PARD3B: variants seen among roughly 807,000 people sequenced by gnomAD.
PARD3B encodes partitioning defective 3 homolog B.
A neutral mutation model predicts 130.2 loss-of-function variants in PARD3B; 103 were observed. That is an observed-to-expected ratio of 0.79 (90% CI 0.67 to 0.93). PARD3B has a LOEUF of 0.93. Ranked by LOEUF, PARD3B falls within the 40% of genes least tolerant of loss-of-function variation. PARD3B has a pLI of 0.00. For missense variants in PARD3B, 1,609 were observed against 1,499.2 expected, an observed-to-expected ratio of 1.07 and a Z score of -1.21; for synonymous variants, 583 against 553.2, an observed-to-expected ratio of 1.05 and a Z score of -0.76.
chr2:204,577,679 T>G (rs2032337344), intron 1 of PARD3B, among the ~76,000 whole-genome samples: 1 of 152,174 alleles, frequency 6.6e-6, no homozygotes, highest in Non-Finnish European at 1.5e-5. Flanking sequence ...TCAAAGGATA[T>G]TCTCACTTCA....
intron 10 of PARD3B, among the ~76,000 whole-genome samples, chr2:205,131,793 G>A (rs554377182): frequency 2.6e-5 from 4 of 152,246 alleles, no homozygotes; most frequent in East Asian, 1.9e-4. Flanking sequence ...ACAGATTACC[G>A]AACAGGAGAC....
chr2:205,242,495 T>C (rs2039394203), intron 15 of PARD3B, among the ~76,000 whole-genome samples: 1 of 152,166 alleles, frequency 6.6e-6, no homozygotes, highest in Non-Finnish European at 1.5e-5. Context: ...TCTAGTGTAC[T>C]TTCATTGCCT....
rs557253611 is a variant in PARD3B at position 205,466,712 on chromosome 2, T to C, written c.3044+26040T>C. ...AATATGTGTGGCTTGGTTTTTGTTTTGTTTTGTTTTTGTTTTTGAGACGAA... is the reference window on the plus strand; with the variant it reads ...AATATGTGTGGCTTGGTTTTTGTTTCGTTTTGTTTTTGTTTTTGAGACGAA... On this transcript the variant is annotated intron_variant, in intron 20 of 22. Coordinates refer to ENST00000406610, the MANE Select transcript of PARD3B (RefSeq NM_001302769.2). Among the ~76,000 whole-genome samples the C allele has an allele frequency of 7.9e-5, 12 of 152,350 alleles. No homozygotes were observed. The East Asian group carries it at 1.9e-3, about 24-fold the overall frequency.
intron 5 of PARD3B, among the ~76,000 whole-genome samples, chr2:205,110,990 G>A (rs957797013): frequency 2.6e-5 from 4 of 152,006 alleles, no homozygotes; most frequent in African/African-American, 4.8e-5. Context: ...ACTCCATCAC[G>A]TATTTCTAGT....
intron 22 of PARD3B, among the ~76,000 whole-genome samples, chr2:205,557,511 T>G (rs968602811): frequency 6.6e-6 from 1 of 152,194 alleles, no homozygotes; most frequent in African/African-American, 2.4e-5. Context: ...GGGGATGCAC[T>G]GAGGGCCTGA....
At chr2:205,252,688 C>G (rs1467709870) in intron 16 of PARD3B, among the ~76,000 whole-genome samples, 2 of 151,972 alleles carry the variant, frequency 1.3e-5, no homozygotes, top group African/African-American at 4.8e-5. Flanking sequence ...CCAAGTTAAG[C>G]CAAGTAGGCA....
intron 2 of PARD3B, among the ~76,000 whole-genome samples, chr2:204,833,341 A>G (rs2043900968): frequency 6.6e-6 from 1 of 152,120 alleles, no homozygotes; most frequent in Non-Finnish European, 1.5e-5. Context: ...GTAGCCCCAC[A>G]TTTCTTGACT....
At chr2:205,471,372 T>TTTTTTTTG in intron 20 of PARD3B, among the ~76,000 whole-genome samples, 1 of 148,672 alleles carries the variant, frequency 6.7e-6, no homozygotes. Context: ...TTTTTTTTTT[T>TTTTTTTTG]TTTTCTGAGA....
chr2:205,385,893 T>C (rs2045644549), intron 18 of PARD3B, among the ~76,000 whole-genome samples: 1 of 152,150 alleles, frequency 6.6e-6, no homozygotes. Flanking sequence ...GTAGACCTTA[T>C]TTGGAAGCCA....
At chr2:205,137,104 A>G (rs1339354339) in intron 10 of PARD3B, among the ~76,000 whole-genome samples, 2 of 152,166 alleles carry the variant, frequency 1.3e-5, no homozygotes, top group Non-Finnish European at 2.9e-5. Flanking sequence ...AAGCTAATGA[A>G]AGAAAAATAG....
chr2:205,329,597 A>AT (rs1196447413), intron 18 of PARD3B, among the ~76,000 whole-genome samples: 1 of 152,232 alleles, frequency 6.6e-6, no homozygotes, highest in East Asian at 1.9e-4. Flanking sequence ...AGACATTCAG[A>AT]TGTTAAGAAG....
intron 15 of PARD3B, among the ~76,000 whole-genome samples, chr2:205,232,784 C>T (rs1043780470): frequency 6.6e-6 from 1 of 152,028 alleles, no homozygotes; most frequent in African/African-American, 2.4e-5. Flanking sequence ...AGAGTAACAG[C>T]AAATTAGACA....
intron 2 of PARD3B, among the ~76,000 whole-genome samples, chr2:204,956,807 A>G (rs1402454392): frequency 6.6e-6 from 1 of 152,200 alleles, no homozygotes; most frequent in East Asian, 1.9e-4. Context: ...TGTTATTGAC[A>G]AGGCAGGTAT....
At chr2:204,660,235 T>C (rs2035759579) in intron 1 of PARD3B, among the ~76,000 whole-genome samples, 1 of 152,190 alleles carries the variant, frequency 6.6e-6, no homozygotes, top group African/African-American at 2.4e-5. Flanking sequence ...CTGAAGTTTT[T>C]CTCCTTCAAT....
At chr2:204,853,041 A>G (rs2044773403) in intron 2 of PARD3B, among the ~76,000 whole-genome samples, 1 of 152,162 alleles carries the variant, frequency 6.6e-6, no homozygotes, top group Non-Finnish European at 1.5e-5. Context: ...AGTTATCAAA[A>G]TATTCATGAA....
chr2:204,800,424 C>T (rs1419435347), intron 2 of PARD3B, among the ~76,000 whole-genome samples: 1 of 151,438 alleles, frequency 6.6e-6, no homozygotes, highest in Non-Finnish European at 1.5e-5. Context: ...CTCAAAAAGT[C>T]AGTAGAGAGA....
chr2:205,132,131 A>T (rs1339529043), intron 10 of PARD3B, among the ~76,000 whole-genome samples: 1 of 152,166 alleles, frequency 6.6e-6, no homozygotes, highest in Non-Finnish European at 1.5e-5. Context: ...ATTCCTTGTT[A>T]TTATAACCAT....
chr2:205,379,305 A>G (rs186552244), intron 18 of PARD3B, among the ~76,000 whole-genome samples: 1 of 152,170 alleles, frequency 6.6e-6, no homozygotes, highest in South Asian at 2.1e-4. Flanking sequence ...TAATATTGAC[A>G]GGCAGACAGG....
intron 2 of PARD3B, among the ~76,000 whole-genome samples, chr2:204,720,251 G>C (rs1205315171): frequency 6.6e-6 from 1 of 152,188 alleles, no homozygotes; most frequent in Non-Finnish European, 1.5e-5. Context: ...GTAACGGATA[G>C]AAGCTACATT....
Sources: gnomAD v4.1 joint callset for allele counts (sites outside exome capture counted in the v4.1 genomes callset) on GRCh38, gnomAD v4.1.1 for gene constraint, MANE v1.5 for transcripts, NCBI Gene and HGNC (gene_info 2026-07-23, HGNC 2026-07-21) for gene names.